INVS: variants seen among roughly 807,000 people sequenced by gnomAD.
The protein encoded by INVS is inversion of embryo turning homolog.
A neutral mutation model predicts 108.8 loss-of-function variants in INVS; 86 were observed. That is an observed-to-expected ratio of 0.79 (90% confidence interval 0.66 to 0.95). INVS has a LOEUF of 0.95. Among genes scored for constraint, INVS ranks in the 40% least tolerant of loss-of-function variants. The pLI is 0.00. For missense variants in INVS, 1,169 were observed against 1,297.4 expected, an observed-to-expected ratio of 0.90 and a Z score of 1.52; for synonymous variants, 455 against 473.5, an observed-to-expected ratio of 0.96 and a Z score of 0.51.
At position 100,292,499 on chromosome 9, in the gene INVS, A is replaced by G; in HGVS notation, c.2242A>G (p.Ile748Val). The change falls in exon 14 of 17, where the codon ATC becomes GTC. Residue 748 changes from isoleucine (I) to valine (V), a missense_variant. Physicochemically the swap from Ile to Val is conservative, Grantham distance 29 (BLOSUM62 3). Coordinates refer to ENST00000262457, the MANE Select transcript of INVS (RefSeq NM_014425.5). ...AGGCTTCGTGAAGCAGCCCTCCTGTATCAGGGTGGCTGGGCCTGATGAGAA... is the reference window on the plus strand; with the variant it reads ...AGGCTTCGTGAAGCAGCCCTCCTGTGTCAGGGTGGCTGGGCCTGATGAGAA... ...GKGFVKQPSC[I>V]RVAGPDEKGE... 1 of 1,614,174 alleles carries G rather than the reference A, an allele frequency of 6.2e-7. No homozygotes were observed. Among genetic ancestry groups the G allele is most frequent in the South Asian group, 1.1e-5 (1 of 91,086 alleles).
intron 3 of INVS, among the ~76,000 whole-genome samples, chr9:100,200,062 T>C (rs906144647): frequency 6.6e-6 from 1 of 152,182 alleles, no homozygotes; most frequent in Non-Finnish European, 1.5e-5. Context: ...TTCTTCTATT[T>C]TTTAGTCTAC....
At chr9:100,258,515 A>T (rs965552804) in intron 10 of INVS, among the ~76,000 whole-genome samples, 1 of 151,800 alleles carries the variant, frequency 6.6e-6, no homozygotes, top group Non-Finnish European at 1.5e-5. Context: ...CAGCTTTTCT[A>T]CTCTGGTTTC....
Position 100,135,802 on chromosome 9 carries a change from T to C in INVS, c.273+9253T>C, listed in dbSNP as rs76614275. ...AAGGTCTTGGCTGGAGTTATTAGTA[T>C]ACATATAGAAACCATAGAAGTAGTT... On this transcript the variant is annotated intron_variant, in intron 3 of 16. Transcript: ENST00000262457. Among the ~76,000 whole-genome samples, 340 of 152,222 alleles carry C rather than the reference T, an allele frequency of 2.2e-3. 2 individuals carry two copies. The highest frequency in any genetic ancestry group is 8.1e-3 in the African/African-American group (335 of 41,544).
chr9:100,246,113 A>C (rs760744456), intron 7 of INVS, among the ~76,000 whole-genome samples: 5 of 151,548 alleles, frequency 3.3e-5, no homozygotes, highest in Non-Finnish European at 7.4e-5. Context: ...AGATTGCACC[A>C]CTGCACTCCA....
At chr9:100,118,395 A>C (rs1195112144) in intron 2 of INVS, among the ~76,000 whole-genome samples, 1 of 144,496 alleles carries the variant, frequency 6.9e-6, no homozygotes, top group Non-Finnish European at 1.5e-5. Flanking sequence ...TTTTAGTAGA[A>C]ACGGGGTTTC....
chr9:100,234,862 T>C (rs1042086856), intron 5 of INVS, among the ~76,000 whole-genome samples: 7 of 152,244 alleles, frequency 4.6e-5, no homozygotes, highest in African/African-American at 1.7e-4. Context: ...TGGAGAGTTC[T>C]GTAGATGTTT....
chr9:100,107,338 G>T (rs1010000896), intron 2 of INVS, among the ~76,000 whole-genome samples: 51 of 152,112 alleles, frequency 3.4e-4, no homozygotes, highest in Admixed American at 1.2e-3. Flanking sequence ...TGCCATTTTT[G>T]ACTTTTTGCT....
chr9:100,100,692 A>ATATGTACATATAATATATATAT (rs1826840908), intron 1 of INVS, among the ~76,000 whole-genome samples: 12 of 1,664 alleles, frequency 7.2e-3, no homozygotes, highest in Non-Finnish European at 0.01. Flanking sequence ...TATATATATT[A>ATATGTACATATAATATATATAT]TATATGTACA....
At position 100,104,578 on chromosome 9, in the gene INVS, T is replaced by C; in HGVS notation, c.57T>C (p.His19=). The part of the protein sequence containing the change: ...FAGSSLASQV[H]AAAVNGDKGA... ...GTTCATCATTAGCATCACAAGTCCA[T>C]GCTGCTGCCGTTAATGGAGATAAGG... is the stretch of plus-strand genomic sequence containing the variant. Residue 19 remains histidine (H), a synonymous_variant, in exon 2 of 17, where the codon CAT becomes CAC. Transcript: ENST00000262457. The C allele has an allele frequency of 6.2e-7, 1 of 1,614,164 alleles. No individual in the cohort carries two copies. Among genetic ancestry groups the C allele is most frequent in the Non-Finnish European group, 8.5e-7 (1 of 1,180,002 alleles).
intron 16 of INVS, among the ~76,000 whole-genome samples, chr9:100,298,883 AAAC>A (rs1000987956): frequency 1.3e-5 from 2 of 152,178 alleles, no homozygotes; most frequent in African/African-American, 4.8e-5. Context: ...AAAAACAAAC[AAAC>A]AAAAAAACCC....
At chr9:100,172,017 G>A (rs920561890) in intron 3 of INVS, among the ~76,000 whole-genome samples, 5 of 151,938 alleles carry the variant, frequency 3.3e-5, no homozygotes, top group Non-Finnish European at 4.4e-5. Flanking sequence ...ATATTTGAAA[G>A]GACTCTGTAA....
At chr9:100,284,216 C>T (rs1009086052) in intron 12 of INVS, 104 bp from the exon 13 acceptor site, 8 of 1,336,344 alleles carry the variant, frequency 6.0e-6, no homozygotes, top group Middle Eastern at 1.8e-4. Context: ...TTCCAAATAT[C>T]TCCTGTGATG....
chr9:100,205,756 ACTAT>A (rs1338826472), intron 3 of INVS, among the ~76,000 whole-genome samples: 3 of 151,990 alleles, frequency 2.0e-5, no homozygotes, highest in African/African-American at 7.2e-5. Context: ...AATCTCTATA[ACTAT>A]CCATTTTACA....
intron 3 of INVS, among the ~76,000 whole-genome samples, chr9:100,148,166 C>G (rs1370134201): frequency 6.6e-6 from 1 of 151,604 alleles, no homozygotes; most frequent in East Asian, 1.9e-4. Flanking sequence ...AGAGTGAGAC[C>G]GTGTCTCTAA....
chr9:100,183,146 C>T (rs751196706), intron 3 of INVS, among the ~76,000 whole-genome samples: 1 of 151,996 alleles, frequency 6.6e-6, no homozygotes, highest in Non-Finnish European at 1.5e-5. Context: ...TAAGAGGAGG[C>T]ATAGCATTAG....
At chr9:100,179,973 G>A (rs1046773273) in intron 3 of INVS, among the ~76,000 whole-genome samples, 5 of 152,134 alleles carry the variant, frequency 3.3e-5, no homozygotes, top group East Asian at 1.9e-4. Flanking sequence ...TTGGAACTCA[G>A]GATTAAGAAA....
chr9:100,154,045 T>C (rs1439152010), intron 3 of INVS, among the ~76,000 whole-genome samples: 1 of 152,260 alleles, frequency 6.6e-6, no homozygotes, highest in East Asian at 1.9e-4. Flanking sequence ...TTACCTTTGA[T>C]CTGTCACTTC....
intron 2 of INVS, among the ~76,000 whole-genome samples, chr9:100,111,037 T>C (rs1411298426): frequency 1.3e-5 from 2 of 152,246 alleles, no homozygotes; most frequent in Non-Finnish European, 2.9e-5. Flanking sequence ...TCCTATGTTC[T>C]TTCCATTGTT....
chr9:100,166,346 AAAC>A lies in INVS; in HGVS notation c.273+39809_273+39811del, dbSNP rs933519864. Among the ~76,000 whole-genome samples the A allele has an allele frequency of 5.3e-5, 8 of 152,184 alleles. No homozygotes were observed. The East Asian group carries it at 1.2e-3, about 22-fold the overall frequency. On this transcript the variant is annotated intron_variant, in intron 3 of 16. Coordinates refer to ENST00000262457, the MANE Select transcript of INVS (RefSeq NM_014425.5). Reference sequence around the variant, plus strand: ...CAACATAGGAAGACCCCATCTCTACAAACAACAACAACAAAACAAAACAAAAAC... The same window carrying A: ...CAACATAGGAAGACCCCATCTCTACAAACAACAACAAAACAAAACAAAAAC...
Sources: allele counts gnomAD v4.1 joint callset (sites outside exome capture counted in the v4.1 genomes callset), GRCh38; gene constraint gnomAD v4.1.1; transcripts MANE v1.5; gene names NCBI Gene and HGNC (gene_info 2026-07-23, HGNC 2026-07-21).